Variants in RBSN observed in about 807,000 individuals in gnomAD.
The protein encoded by RBSN is rabenosyn, RAB effector, also known as rabenosyn-5.
A neutral mutation model predicts 60.5 loss-of-function variants in RBSN; 34 were observed. That is an observed-to-expected ratio of 0.56 (90% CI 0.43 to 0.75). The LOEUF (loss-of-function observed/expected upper bound fraction) is 0.75, where lower values mean the gene tolerates loss of function less well. Ranked by LOEUF, RBSN falls within the 30% of genes least tolerant of loss-of-function variation. The pLI, the probability that RBSN is intolerant of heterozygous loss-of-function variation, is 0.00. For synonymous variants in RBSN, 322 were observed against 366.9 expected (o/e 0.88, Z 1.40); for missense variants, 845 against 986.8 (o/e 0.86, Z 1.92).
At chr3:15,091,558 G>T in intron 4 of RBSN, 1 of 1,215,676 alleles carries the variant, frequency 8.2e-7, no homozygotes, top group Non-Finnish European at 1.1e-6. Context: ...CCTGTATTTA[G>T]CCATCGTATG....
intron 5 of RBSN, 76 bp from the exon 6 acceptor site, chr3:15,086,037 TC>T: frequency 1.8e-6 from 2 of 1,109,068 alleles, no homozygotes; most frequent in South Asian, 2.7e-5. Context: ...TTGCCTCTTA[TC>T]CCAGTGAATT....
At chr3:15,092,841 A>G (rs191815899) in intron 4 of RBSN, among the ~76,000 whole-genome samples, 27 of 152,362 alleles carry the variant, frequency 1.8e-4, no homozygotes, top group Admixed American at 1.6e-3. Flanking sequence ...CAGGTTAAAC[A>G]GGCAATCTAT....
At chr3:15,098,730 G>C (rs2043742111) in intron 1 of RBSN, among the ~76,000 whole-genome samples, 1 of 151,986 alleles carries the variant, frequency 6.6e-6, no homozygotes, top group South Asian at 2.1e-4. Context: ...ATCTCCACAC[G>C]AACTCAGAAT....
At chr3:15,078,292 A>C (rs2043103891) in intron 10 of RBSN, 131 bp from the exon 11 acceptor site, 5 of 696,078 alleles carry the variant, frequency 7.2e-6, no homozygotes, top group Non-Finnish European at 1.3e-5. Flanking sequence ...TCAGACTTTC[A>C]GATATAATGC....
chr3:15,077,777 A>C lies in RBSN; in HGVS notation c.998+298T>G, dbSNP rs1164100732. On this transcript the variant is annotated intron_variant, in intron 11 of 13. Transcript: ENST00000253699. This position sits in a 1 kb window ranked among gnomAD's most constrained non-coding sequence, Gnocchi z 4.4. ...CACAGGATGTTAATCCCTACCTCAC[A>C]GGGTAACTTCAGTAGAATAAATGAG... 6.6e-6 allele frequency among the ~76,000 whole-genome samples: 1 copy of C among 152,242 alleles called. No homozygotes were observed. The highest frequency in any genetic ancestry group is 1.5e-5 in the Non-Finnish European group (1 of 68,042).
chr3:15,095,936 A>G (rs575282240), intron 4 of RBSN, 37 bp downstream of exon 4: 37 of 1,614,114 alleles, frequency 2.3e-5, no homozygotes, highest in Admixed American at 1.7e-4. Context: ...AAAGCTCTCA[A>G]CGACAGCAGG....
In RBSN at chr3:15,084,916, A is replaced by T; in HGVS notation, c.437-20T>A. 1 of 1,613,036 alleles carries T rather than the reference A, an allele frequency of 6.2e-7. No individual in the cohort carries two copies. Among genetic ancestry groups the T allele is most frequent in the Non-Finnish European group, 8.5e-7 (1 of 1,179,318 alleles). On this transcript the variant is annotated intron_variant, in intron 7 of 13. Transcript: ENST00000253699. This position sits in a 1 kb window ranked among gnomAD's most constrained non-coding sequence, Gnocchi z 4.2. ...CTATTGCTTTGGGAAGAGCAAACCA[A>T]CAAGAAAGCAGGCCATTTTAAAGAG... is the stretch of plus-strand genomic sequence containing the variant.
At chr3:15,095,303 C>A (rs1452726706) in intron 4 of RBSN, among the ~76,000 whole-genome samples, 1 of 149,838 alleles carries the variant, frequency 6.7e-6, no homozygotes, top group African/African-American at 2.5e-5. Flanking sequence ...CGAATAGAGG[C>A]GTGAGCCACT....
Position 15,073,623 on chromosome 3 carries a change from C to T in RBSN, c.*159G>A, listed in dbSNP as rs1013880872. 1 of 660,150 alleles carries T rather than the reference C, an allele frequency of 1.5e-6. No individual in the cohort carries two copies. The highest frequency in any genetic ancestry group is 1.8e-5 in the African/African-American group (1 of 55,116). 40.9% of individuals were successfully genotyped at this position (660,150 alleles called of 1,614,324 possible). A position where few individuals can be genotyped will look rare whatever the true frequency, so the allele number is the denominator to read the frequency against. On this transcript the variant is annotated 3_prime_UTR_variant, in exon 14 of 14. Coordinates refer to ENST00000253699, the MANE Select transcript of RBSN (RefSeq NM_022340.4). Reference sequence around the variant, plus strand: ...TATTATTCAACTGTAGTGGAAATACCTCAAAGTGCGCAACACAAAACAGCA... The same window carrying T: ...TATTATTCAACTGTAGTGGAAATACTTCAAAGTGCGCAACACAAAACAGCA...
At chr3:15,075,204 C>T in intron 13 of RBSN, 1 of 493,558 alleles carries the variant, frequency 2.0e-6, no homozygotes, top group South Asian at 2.8e-5. Flanking sequence ...TTTTCTTAAA[C>T]CTCTAAGGTC....
At chr3:15,097,960 G>T (rs1190151600) in intron 2 of RBSN, among the ~76,000 whole-genome samples, 159 bp downstream of exon 2, 3 of 152,106 alleles carry the variant, frequency 2.0e-5, no homozygotes, top group Non-Finnish European at 4.4e-5. Context: ...CCCAGCCAGT[G>T]GTTCATCTGA....
Position 15,072,965 on chromosome 3 carries a change from G to A in RBSN, c.*817C>T, listed in dbSNP as rs2042954536. ...CCTGACCTTGTGATCTGCCTGCCTC[G>A]GCCTCCCAAAGTGTTGCGATTACAG... On this transcript the variant is annotated 3_prime_UTR_variant, in exon 14 of 14. Coordinates refer to ENST00000253699, the MANE Select transcript of RBSN (RefSeq NM_022340.4). 1 of 152,114 alleles carries A rather than the reference G, an allele frequency of 6.6e-6. No homozygotes were observed. 9.4% of individuals were successfully genotyped at this position (152,114 alleles called of 1,614,324 possible).
chr3:15,074,503 C>A lies in RBSN; in HGVS notation c.1634G>T (p.Arg545Leu), dbSNP rs150901788. ...EQFRVASLHT[R>L]TRSLDFREIG... ...TTCTCTGAAGTCCAGGGACCGAGTC[C>A]GTGTGTGCAGGGATGCCACCCGAAA... is the stretch of plus-strand genomic sequence containing the variant. The change falls in exon 14 of 14, where the codon CGG becomes CTG. Residue 545 changes from arginine (R) to leucine (L), a missense_variant. Transcript: ENST00000253699. The surrounding 1 kb of genome is among the most constrained non-coding windows in gnomAD (Gnocchi z 6.4). The A allele has an allele frequency of 6.2e-7, 1 of 1,614,198 alleles. No individual in the cohort carries two copies. The highest frequency in any genetic ancestry group is 1.7e-5 in the Admixed American group (1 of 60,026).
Position 15,073,610 on chromosome 3 carries a change from G to A in RBSN, c.*172C>T. ...CTAGTTTCTATTTTATTATTCAACT[G>A]TAGTGGAAATACCTCAAAGTGCGCA... On this transcript the variant is annotated 3_prime_UTR_variant, in exon 14 of 14. Coordinates refer to ENST00000253699, the MANE Select transcript of RBSN (RefSeq NM_022340.4). The A allele has an allele frequency of 5.1e-6, 3 of 589,746 alleles. No homozygotes were observed. Among genetic ancestry groups the A allele is most frequent in the Non-Finnish European group, 8.7e-6 (3 of 343,858 alleles). 36.5% of individuals were successfully genotyped at this position (589,746 alleles called of 1,614,324 possible).
At chr3:15,083,319 T>C (rs761611462) in intron 8 of RBSN, among the ~76,000 whole-genome samples, 2 of 152,194 alleles carry the variant, frequency 1.3e-5, no homozygotes, top group Non-Finnish European at 2.9e-5. Context: ...ATGTGAGAGT[T>C]GGAAAGAAGA....
At chr3:15,092,568 C>A (rs1472585410) in intron 4 of RBSN, among the ~76,000 whole-genome samples, 2 of 152,108 alleles carry the variant, frequency 1.3e-5, no homozygotes, top group Non-Finnish European at 2.9e-5. Flanking sequence ...GCCAACACAC[C>A]CAGCTAATTT....
At chr3:15,079,498 T>C (rs1274038281) in intron 10 of RBSN, among the ~76,000 whole-genome samples, 1 of 152,154 alleles carries the variant, frequency 6.6e-6, no homozygotes, top group Non-Finnish European at 1.5e-5. Flanking sequence ...ACTCAAATAT[T>C]ACAGAAGCAT....
intron 2 of RBSN, among the ~76,000 whole-genome samples, chr3:15,097,358 T>C (rs2125190997): frequency 2.0e-5 from 3 of 152,034 alleles, no homozygotes; most frequent in Middle Eastern, 6.8e-3. Context: ...CTACTAAAAA[T>C]ACAAAAATTT....
chr3:15,078,044 A>G (rs1176269375), intron 11 of RBSN, 31 bp downstream of exon 11: 6 of 1,582,912 alleles, frequency 3.8e-6, no homozygotes, highest in Non-Finnish European at 5.2e-6. Flanking sequence ...CCATTCCACC[A>G]GCGGGCAGGA....
Sources: gnomAD v4.1 joint callset for allele counts (sites outside exome capture counted in the v4.1 genomes callset) on GRCh38, gnomAD v4.1.1 for gene constraint, Gnocchi (gnomAD v3.1) non-coding constraint, MANE v1.5 for transcripts, NCBI Gene and HGNC (gene_info 2026-07-23, HGNC 2026-07-21) for gene names.